Variants in TRPS1 observed in about 807,000 individuals in gnomAD.
The protein encoded by TRPS1 is zinc finger transcription factor Trps1.
TRPS1 carries 6 observed loss-of-function variants against 101.2 expected under a neutral mutation model. The ratio of observed to expected loss-of-function variants is 0.06; its 90% CI spans 0.03 to 0.12. TRPS1 has a LOEUF of 0.12. TRPS1 is among the 10% of genes least tolerant of loss of function. TRPS1 has a pLI of 1.00. For synonymous variants in TRPS1, 578 were observed against 589.8 expected, an observed-to-expected ratio of 0.98 and a Z score of 0.29; for missense variants, 1,363 against 1,567.0, an observed-to-expected ratio of 0.87 and a Z score of 2.20.
In TRPS1 at chr8:115,520,312, T is replaced by C. The variant is rs1480598083; in HGVS notation, c.2700+66689A>G. 2.0e-5 allele frequency among the ~76,000 whole-genome samples: 3 copies of C among 151,752 alleles called. No homozygotes were observed. In the East Asian group the frequency reaches 5.8e-4, roughly 29 times the overall value. ...GAAACAGGCTAAAGAGCAATTAAAGTACAGAAAAAAGAAATAACATAAAAC... is the reference window on the plus strand; with the variant it reads ...GAAACAGGCTAAAGAGCAATTAAAGCACAGAAAAAAGAAATAACATAAAAC... On this transcript the variant is annotated intron_variant, in intron 5 of 6. Transcript: ENST00000395715.
At chr8:115,546,174 T>A (rs1816565433) in intron 5 of TRPS1, among the ~76,000 whole-genome samples, 1 of 151,700 alleles carries the variant, frequency 6.6e-6, no homozygotes, top group Admixed American at 6.6e-5. Context: ...CAAATTGAAA[T>A]GAATATATAT....
intron 5 of TRPS1, among the ~76,000 whole-genome samples, chr8:115,534,267 GATT>G (rs879691833): frequency 1.3e-4 from 20 of 150,864 alleles, no homozygotes; most frequent in Admixed American, 2.0e-4. Flanking sequence ...TCACACTGGA[GATT>G]GAAGCTCTAA....
chr8:115,647,901 ATG>A (rs1170893761), intron 1 of TRPS1, among the ~76,000 whole-genome samples: 1 of 148,934 alleles, frequency 6.7e-6, no homozygotes, highest in Non-Finnish European at 1.5e-5. Context: ...TAATTTTAAT[ATG>A]TGACAAAAAA....
At chr8:115,584,345 T>C (rs1817518357) in intron 5 of TRPS1, among the ~76,000 whole-genome samples, 1 of 151,938 alleles carries the variant, frequency 6.6e-6, no homozygotes, top group African/African-American at 2.4e-5. Context: ...AAAGGTACTT[T>C]TAAAATCTGA....
At chr8:115,490,490 C>T (rs1215928607) in intron 5 of TRPS1, among the ~76,000 whole-genome samples, 1 of 152,014 alleles carries the variant, frequency 6.6e-6, no homozygotes. Flanking sequence ...CTTAATAGGG[C>T]TAATGAATAA....
intron 5 of TRPS1, among the ~76,000 whole-genome samples, chr8:115,478,973 G>GTA (rs1276613438): frequency 6.7e-6 from 1 of 148,904 alleles, no homozygotes; most frequent in Non-Finnish European, 1.5e-5. Flanking sequence ...GTGTATATAT[G>GTA]TATATATATG....
Position 115,667,842 on chromosome 8 carries a change from C to G in TRPS1, c.-122+703G>C, listed in dbSNP as rs1029046657. 9 of 1,535,138 alleles carry G rather than the reference C, an allele frequency of 5.9e-6. No homozygotes were observed. In the Admixed American group the frequency reaches 9.8e-5, roughly 17 times the overall value. On this transcript the variant is annotated intron_variant, in intron 1 of 6. Coordinates refer to ENST00000395715, the MANE Select transcript of TRPS1 (RefSeq NM_014112.5). ...CCATACGGAGGCCCGTCTCTGAGAC[C>G]CTCCCGACCCTCCCGAGTTCGCCCA...
At chr8:115,591,671 T>G (rs1817681899) in intron 4 of TRPS1, among the ~76,000 whole-genome samples, 1 of 152,076 alleles carries the variant, frequency 6.6e-6, no homozygotes, top group African/African-American at 2.4e-5. Flanking sequence ...GCTGGAGAGC[T>G]GTAGGAACAC....
chr8:115,588,618 G>A (rs563619663), intron 4 of TRPS1, among the ~76,000 whole-genome samples: 9 of 152,164 alleles, frequency 5.9e-5, no homozygotes, highest in Non-Finnish European at 1.3e-4. Flanking sequence ...ATACCCGAAA[G>A]ATACACAAGT....
chr8:115,497,508 C>A (rs1815178773), intron 5 of TRPS1, among the ~76,000 whole-genome samples: 1 of 152,114 alleles, frequency 6.6e-6, no homozygotes, highest in Non-Finnish European at 1.5e-5. Flanking sequence ...ACTCCCTTAT[C>A]ATATTTGGGG....
chr8:115,638,000 C>G (rs1406809633), intron 1 of TRPS1, among the ~76,000 whole-genome samples: 8 of 152,040 alleles, frequency 5.3e-5, no homozygotes, highest in African/African-American at 1.9e-4. Flanking sequence ...TTAGGTTTTC[C>G]AAAATGAGCC....
At chr8:115,532,785 A>G (rs1816166791) in intron 5 of TRPS1, among the ~76,000 whole-genome samples, 2 of 152,190 alleles carry the variant, frequency 1.3e-5, no homozygotes, top group South Asian at 4.1e-4. Context: ...TGAGAGAGGA[A>G]TATCAGGAGA....
chr8:115,528,955 G>C (rs1163636531), intron 5 of TRPS1, among the ~76,000 whole-genome samples: 1 of 151,872 alleles, frequency 6.6e-6, no homozygotes, highest in Non-Finnish European at 1.5e-5. Flanking sequence ...GGACAAACAA[G>C]GTACACAATG....
chr8:115,656,796 A>C (rs933777378), intron 1 of TRPS1, among the ~76,000 whole-genome samples: 4 of 152,166 alleles, frequency 2.6e-5, no homozygotes, highest in Admixed American at 6.5e-5. Context: ...TGAAAACACA[A>C]GAGAAAATAA....
At chr8:115,486,055 T>C (rs1027122555) in intron 5 of TRPS1, among the ~76,000 whole-genome samples, 2 of 152,194 alleles carry the variant, frequency 1.3e-5, no homozygotes, top group African/African-American at 4.8e-5. Flanking sequence ...TAACAAAATG[T>C]CAGTTTGTGG....
At position 115,414,825 on chromosome 8, in the gene TRPS1, G is replaced by A. The variant is rs1812875427; in HGVS notation, c.3083C>T (p.Ser1028Phe). Reference sequence around the variant, plus strand: ...GCTGACCAGGACTGGCTGCTGAGCAGAATGGCTTTTAGTCAATGAACCCTG... The same window carrying A: ...GCTGACCAGGACTGGCTGCTGAGCAAAATGGCTTTTAGTCAATGAACCCTG... ...EAQGSLTKSHSAQQPVLVSQT... is the reference protein window; with the variant it reads ...EAQGSLTKSHFAQQPVLVSQT... Residue 1028 changes from serine (S) to phenylalanine (F), a missense_variant, in exon 7 of 7, where the codon TCT becomes TTT. Transcript: ENST00000395715. The surrounding 1 kb of genome is among the most constrained non-coding windows in gnomAD (Gnocchi z 4.8). The A allele has an allele frequency of 1.2e-6, 2 of 1,614,038 alleles. No individual in the cohort carries two copies. The highest frequency in any genetic ancestry group is 1.3e-5 in the African/African-American group (1 of 75,032).
chr8:115,437,544 A>C (rs976199609), intron 5 of TRPS1, among the ~76,000 whole-genome samples: 1 of 152,230 alleles, frequency 6.6e-6, no homozygotes, highest in Admixed American at 6.5e-5. Flanking sequence ...AAATATCAAA[A>C]AGTATTTAAT....
At chr8:115,481,056 C>T (rs1298710622) in intron 5 of TRPS1, among the ~76,000 whole-genome samples, 1 of 151,992 alleles carries the variant, frequency 6.6e-6, no homozygotes, top group Non-Finnish European at 1.5e-5. Flanking sequence ...TTGTTATTTG[C>T]CTTTTCTTTC....
At chr8:115,502,665 T>G (rs1442388332) in intron 5 of TRPS1, among the ~76,000 whole-genome samples, 6 of 152,180 alleles carry the variant, frequency 3.9e-5, no homozygotes, top group Admixed American at 2.0e-4. Context: ...AAGAGCCAGC[T>G]AGGGACAATC....
Sources: allele counts gnomAD v4.1 joint callset (sites outside exome capture counted in the v4.1 genomes callset), GRCh38; gene constraint gnomAD v4.1.1; non-coding constraint Gnocchi (gnomAD v3.1); transcripts MANE v1.5; gene names NCBI Gene and HGNC (gene_info 2026-07-23, HGNC 2026-07-21).